Variants in USP54 observed in about 807,000 individuals in gnomAD.
The protein encoded by USP54 is ubiquitin specific peptidase 54, also known as ubiquitin carboxyl-terminal hydrolase 54.
USP54 carries 87 observed loss-of-function variants against 170.5 expected under a neutral mutation model. The observed-to-expected ratio is 0.51, with a 90% CI of 0.43 to 0.61. The LOEUF (loss-of-function observed/expected upper bound fraction) is 0.61. Among genes scored for constraint, USP54 ranks in the 20% least tolerant of loss-of-function variants. The pLI is 0.00. For synonymous variants in USP54, 655 were observed against 742.8 expected (o/e 0.88, Z 1.92); for missense variants, 1,786 against 2,047.8 (o/e 0.87, Z 2.47).
chr10:73,523,780 C>A (rs1288121898), intron 16 of USP54, 30 bp from the exon 17 acceptor site: 1 of 1,584,244 alleles, frequency 6.3e-7, no homozygotes, highest in South Asian at 1.2e-5. Context: ...GAAGTCACCA[C>A]ATTTCCATTA....
At chr10:73,576,490 AAAAAAAAG>A (rs2076120354) in intron 1 of USP54, 129 bp from the exon 2 acceptor site, 1 of 151,222 alleles carries the variant, frequency 6.6e-6, no homozygotes, top group Non-Finnish European at 1.5e-5. Context: ...AACAATGCCA[AAAAAAAAG>A]AAAAAAAGAA....
At chr10:73,512,053 AT>A (rs1200691997) in intron 20 of USP54, among the ~76,000 whole-genome samples, 1 of 151,674 alleles carries the variant, frequency 6.6e-6, no homozygotes, top group African/African-American at 2.4e-5. Context: ...GCCAAATTAT[AT>A]TTTTTCATAT....
At chr10:73,546,632 G>A (rs1183370079) in intron 4 of USP54, 3 of 152,100 alleles carry the variant, frequency 2.0e-5, no homozygotes, top group African/African-American at 7.2e-5. Flanking sequence ...ACTGCGCCCA[G>A]CCTTATTAGT....
At chr10:73,512,570 G>A (rs1389388629) in intron 20 of USP54, among the ~76,000 whole-genome samples, 5 of 151,806 alleles carry the variant, frequency 3.3e-5, no homozygotes, top group African/African-American at 1.2e-4. Flanking sequence ...GAGAGTGGCT[G>A]TTCACAGGCA....
chr10:73,569,027 G>T (rs2074439944), intron 4 of USP54, among the ~76,000 whole-genome samples: 1 of 152,152 alleles, frequency 6.6e-6, no homozygotes, highest in Non-Finnish European at 1.5e-5. Flanking sequence ...GAAGAGTATA[G>T]CACAGTCCCG....
intron 1 of USP54, among the ~76,000 whole-genome samples, chr10:73,620,862 C>T (rs909889704): frequency 4.1e-5 from 6 of 148,112 alleles, no homozygotes; most frequent in Admixed American, 6.7e-5. Flanking sequence ...AAAACTCTGT[C>T]TCAAACAAAC....
chr10:73,548,624 C>G (rs1432186878), intron 4 of USP54, among the ~76,000 whole-genome samples: 1 of 152,120 alleles, frequency 6.6e-6, no homozygotes, highest in African/African-American at 2.4e-5. Flanking sequence ...CAAACTATCA[C>G]AAGGACAGAA....
chr10:73,567,265 T>G (rs1373822414), intron 4 of USP54, among the ~76,000 whole-genome samples: 1 of 152,262 alleles, frequency 6.6e-6, no homozygotes, highest in Non-Finnish European at 1.5e-5. Flanking sequence ...TCTGTGGTTT[T>G]ACACAAATGT....
At position 73,543,467 on chromosome 10, in the gene USP54, C is replaced by T. The variant is rs556407445; in HGVS notation, c.376-336G>A. On this transcript the variant is annotated intron_variant, in intron 5 of 23. Transcript: ENST00000687698. ...CTGCAAGCTCCACCTCCCGGGTTCACGCCATTCTCCTGCCTCAGCCTCCCG... is the reference window on the plus strand; with the variant it reads ...CTGCAAGCTCCACCTCCCGGGTTCATGCCATTCTCCTGCCTCAGCCTCCCG... 1.9e-3 allele frequency among the ~76,000 whole-genome samples: 283 copies of T among 151,682 alleles called. 1 individual carries two copies. The highest frequency in any genetic ancestry group is 5.9e-3 in the African/African-American group (242 of 41,360).
chr10:73,532,734 T>C (rs1404288059), intron 12 of USP54, among the ~76,000 whole-genome samples: 1 of 152,076 alleles, frequency 6.6e-6, no homozygotes, highest in Non-Finnish European at 1.5e-5. Context: ...CGTGTTAAAG[T>C]ATACCATAGG....
intron 15 of USP54, among the ~76,000 whole-genome samples, chr10:73,528,138 G>T (rs1164867716): frequency 1.3e-5 from 2 of 152,034 alleles, no homozygotes; most frequent in African/African-American, 4.8e-5. Flanking sequence ...GTTTCACCAT[G>T]TTGGCCAAGA....
At chr10:73,525,024 A>G (rs534065267) in intron 16 of USP54, among the ~76,000 whole-genome samples, 18 of 152,332 alleles carry the variant, frequency 1.2e-4, no homozygotes, top group African/African-American at 4.1e-4. Flanking sequence ...AAACCTTTCT[A>G]GATGGATCTA....
chr10:73,538,506 G>A (rs1470261761), intron 10 of USP54: 1 of 151,856 alleles, frequency 6.6e-6, no homozygotes, highest in African/African-American at 2.4e-5. Flanking sequence ...AAAAAAAAAG[G>A]AGATTATAGT....
intron 10 of USP54, among the ~76,000 whole-genome samples, chr10:73,536,880 A>G (rs1164195460): frequency 1.3e-5 from 2 of 152,258 alleles, no homozygotes; most frequent in Non-Finnish European, 2.9e-5. Flanking sequence ...AAGAGCAGAC[A>G]GAAACTCTTT....
chr10:73,498,763 C>A lies in USP54; in HGVS notation c.4921G>T (p.Asp1641Tyr). 1 of 1,613,870 alleles carries A rather than the reference C, an allele frequency of 6.2e-7. No individual in the cohort carries two copies. Among genetic ancestry groups the A allele is most frequent in the South Asian group, 1.1e-5 (1 of 91,014 alleles). Residue 1641 changes from aspartate (D) to tyrosine (Y), a missense_variant, in exon 24 of 24, where the codon GAC (aspartate) becomes TAC (tyrosine). Transcript: ENST00000687698. ...GAGGCATAACTGCTTTGCCTCCAGT[C>A]ATCATCTGGGGGCATATCTACTCTT... ...PRRVDMPPDD[D>Y]WRQSSYASHS...
Position 73,498,810 on chromosome 10 carries a change from C to G in USP54, c.4874G>C (p.Gly1625Ala), listed in dbSNP as rs774148638. 1 of 1,612,928 alleles carries G rather than the reference C, an allele frequency of 6.2e-7. No homozygotes were observed. Residue 1625 changes from glycine to alanine, a missense_variant, in exon 24 of 24, where the codon GGG becomes GCG. By Grantham distance (60) the Gly-to-Ala change is moderately conservative. Around this residue, in one of 3 missense-constraint regions of USP54, gnomAD observed 1,418 missense variants for 1,569.0 expected, o/e 0.90. Transcript: ENST00000687698. ...RSAWNSDPVP[G>A]SRTPGPRRVD... ...TCTTCGAGGACCAGGGGTTCGGGACCCTGGAACAGGATCTGAATTCCAAGC... is the reference window on the plus strand; with the variant it reads ...TCTTCGAGGACCAGGGGTTCGGGACGCTGGAACAGGATCTGAATTCCAAGC...
chr10:73,565,174 G>T lies in USP54; in HGVS notation c.240+6247C>A, dbSNP rs2073994654. On this transcript the variant is annotated intron_variant, in intron 4 of 23. Coordinates refer to ENST00000687698, the MANE Select transcript of USP54 (RefSeq NM_001391956.1). Reference sequence around the variant, plus strand: ...TTAGTGAATGAGAAATAAATCTTTGGTATATTAATCACAGGGATTTTATGG... The same window carrying T: ...TTAGTGAATGAGAAATAAATCTTTGTTATATTAATCACAGGGATTTTATGG... 2.6e-5 allele frequency among the ~76,000 whole-genome samples: 4 copies of T among 151,970 alleles called. No individual in the cohort carries two copies. The South Asian group carries it at 8.3e-4, about 31-fold the overall frequency.
At position 73,498,559 on chromosome 10, in the gene USP54, C is replaced by G; in HGVS notation, c.*70G>C. Reference sequence around the variant, plus strand: ...AAAGTGCTGGGATTACAGGTGTGAGCCACCGCGCCCGGCCCACAGTACAGT... The same window carrying G: ...AAAGTGCTGGGATTACAGGTGTGAGGCACCGCGCCCGGCCCACAGTACAGT... On this transcript the variant is annotated 3_prime_UTR_variant, in exon 24 of 24. Coordinates refer to ENST00000687698, the MANE Select transcript of USP54 (RefSeq NM_001391956.1). 1 of 1,456,444 alleles carries G rather than the reference C, an allele frequency of 6.9e-7. No homozygotes were observed. The highest frequency in any genetic ancestry group is 9.1e-7 in the Non-Finnish European group (1 of 1,092,904). The allele number at this position is 1,456,444 out of a possible 1,614,324, so 90.2% of individuals were successfully genotyped here.
Position 73,534,745 on chromosome 10 carries a change from G to A in USP54, c.1170C>T (p.Asp390=). Residue 390 remains aspartate (D), a synonymous_variant, in exon 12 of 24, where the codon GAC becomes GAT. Transcript: ENST00000687698. ...DSGREPSISS[D]TRTDSSTESY... The stretch of plus-strand genomic sequence containing the variant: ...TCTCCGTTGAGGAATCTGTTCGAGT[G>A]TCACTTGAGATGGAGGGCTCCCTCC... 1 of 1,614,026 alleles carries A rather than the reference G, an allele frequency of 6.2e-7. No individual in the cohort carries two copies. The highest frequency in any genetic ancestry group is 8.5e-7 in the Non-Finnish European group (1 of 1,179,924).
Sources: allele counts gnomAD v4.1 joint callset (sites outside exome capture counted in the v4.1 genomes callset), GRCh38; gene constraint gnomAD v4.1.1; regional missense constraint gnomAD v4.1.1; transcripts MANE v1.5; gene names NCBI Gene and HGNC (gene_info 2026-07-23, HGNC 2026-07-21).